SPATA22: variants seen among roughly 807,000 people sequenced by gnomAD.
SPATA22 encodes the protein spermatogenesis-associated protein 22.
In SPATA22, 29 loss-of-function variants were observed where a neutral mutation model predicts 47.8. The observed-to-expected ratio is 0.61, with a 90% CI of 0.45 to 0.83. The LOEUF is 0.83. Among genes scored for constraint, SPATA22 ranks in the 40% least tolerant of loss-of-function variants. The pLI is 0.00. For synonymous variants in SPATA22, 133 were observed against 140.9 expected (o/e 0.94, Z 0.40); for missense variants, 410 against 421.7 (o/e 0.97, Z 0.24).
chr17:3,454,253 T>C (rs35233893), intron 5 of SPATA22, among the ~76,000 whole-genome samples: 34,853 of 150,070 alleles, frequency 0.23, 4,326 homozygotes, highest in East Asian at 0.42. Context: ...TCCTGTGTCA[T>C]GGATTTGAAG....
chr17:3,507,807 G>A (rs76923226), intron 1 of SPATA22, among the ~76,000 whole-genome samples: 6,970 of 152,194 alleles, frequency 0.046, 253 homozygotes, highest in Non-Finnish European at 0.062. Flanking sequence ...AATCCTTTGG[G>A]GAGGTAATTT....
chr17:3,509,648 T>C (rs1382863813), intron 1 of SPATA22, among the ~76,000 whole-genome samples: 3 of 152,208 alleles, frequency 2.0e-5, no homozygotes, highest in African/African-American at 2.4e-5. Context: ...GTCTTTATAG[T>C]AGAATGATTT....
chr17:3,455,569 T>G (rs920769200), intron 5 of SPATA22, among the ~76,000 whole-genome samples: 4 of 141,250 alleles, frequency 2.8e-5, no homozygotes, highest in South Asian at 2.4e-4. Flanking sequence ...TCCCCATTGC[T>G]TGGTTTTCTC....
At chr17:3,473,441 G>T (rs1481523978), upstream of SPATA22, among the ~76,000 whole-genome samples, 1 of 152,114 alleles carries the variant, frequency 6.6e-6, no homozygotes, top group African/African-American at 2.4e-5. Context: ...CAAAATTTCT[G>T]GCAGGGATCT....
intron 5 of SPATA22, 130 bp downstream of exon 5, chr17:3,462,353 G>C (rs763888744): frequency 9.1e-5 from 58 of 636,022 alleles, no homozygotes; most frequent in Non-Finnish European, 1.3e-4. Flanking sequence ...TGCCATAGTT[G>C]TTATTTATAG....
Position 3,469,366 on chromosome 17 carries a change from C to A in SPATA22, c.-41G>T. ...AATCTATAATTTTCTATTCAGCATT[C>A]CAAATTTATAATATGACATTGTCCC... On this transcript the variant is annotated 5_prime_UTR_variant, in exon 2 of 9. Transcript: ENST00000572969. 1 of 1,486,220 alleles carries A rather than the reference C, an allele frequency of 6.7e-7. No individual in the cohort carries two copies. The highest frequency in any genetic ancestry group is 9.1e-7 in the Non-Finnish European group (1 of 1,097,684). 92.1% of individuals were successfully genotyped at this position (1,486,220 alleles called of 1,614,324 possible). A position where few individuals can be genotyped will look rare whatever the true frequency, so the allele number is the denominator to read the frequency against.
At chr17:3,455,316 G>A (rs1339073386) in intron 5 of SPATA22, among the ~76,000 whole-genome samples, 26 of 151,782 alleles carry the variant, frequency 1.7e-4, no homozygotes, top group East Asian at 1.5e-3. Context: ...CCCATTTGTC[G>A]ATTTTGTCTT....
At chr17:3,456,911 T>C (rs1433261006) in intron 5 of SPATA22, among the ~76,000 whole-genome samples, 2 of 150,886 alleles carry the variant, frequency 1.3e-5, no homozygotes, top group South Asian at 2.1e-4. Context: ...AATCAATAAA[T>C]GTAATCCAGC....
intron 6 of SPATA22, among the ~76,000 whole-genome samples, chr17:3,448,073 T>C (rs2072768434): frequency 6.6e-6 from 1 of 152,148 alleles, no homozygotes; most frequent in African/African-American, 2.4e-5. Context: ...GAAGTACAGT[T>C]GAGATACAGG....
chr17:3,444,467 G>A lies in SPATA22; in HGVS notation c.803-1196C>T, dbSNP rs147155568. On this transcript the variant is annotated intron_variant, in intron 7 of 8. Transcript: ENST00000572969. Reference sequence around the variant, plus strand: ...CAGAAGAAAAATCTAAGAATATGACGGTGTGGTATAAGAATGTATAGTCTA... The same window carrying A: ...CAGAAGAAAAATCTAAGAATATGACAGTGTGGTATAAGAATGTATAGTCTA... Among the ~76,000 whole-genome samples, 34 of 152,066 alleles carry A rather than the reference G, an allele frequency of 2.2e-4. No homozygotes were observed. The East Asian group carries it at 4.8e-3, about 22-fold the overall frequency.
At chr17:3,511,116 T>C (rs1597459665) in intron 1 of SPATA22, 1 of 152,366 alleles carries the variant, frequency 6.6e-6, no homozygotes, top group African/African-American at 2.4e-5. Context: ...CACGGAGTTT[T>C]AGGATGTCCT....
At chr17:3,456,773 G>A (rs1318072868) in intron 5 of SPATA22, among the ~76,000 whole-genome samples, 3 of 151,698 alleles carry the variant, frequency 2.0e-5, no homozygotes, top group Non-Finnish European at 4.4e-5. Context: ...CAATATCCTT[G>A]ATGAACATTG....
At chr17:3,478,142 GC>G (rs1227710362) in intron 1 of SPATA22, among the ~76,000 whole-genome samples, 2 of 152,022 alleles carry the variant, frequency 1.3e-5, no homozygotes, top group Non-Finnish European at 2.9e-5. Context: ...CAGAGATGGT[GC>G]CACTGCACTC....
intron 1 of SPATA22, chr17:3,499,883 C>G (rs536690124): frequency 6.6e-6 from 1 of 152,306 alleles, no homozygotes; most frequent in South Asian, 2.1e-4. Flanking sequence ...ATGTCAAAAG[C>G]TGAGACAGGC....
chr17:3,464,858 G>A (rs1395796269), intron 3 of SPATA22, among the ~76,000 whole-genome samples: 1 of 121,906 alleles, frequency 8.2e-6, no homozygotes, highest in East Asian at 2.3e-4. Context: ...GAGCGTCTCC[G>A]CCCGGCAGCC....
At chr17:3,482,294 C>G (rs2150747361) in intron 1 of SPATA22, among the ~76,000 whole-genome samples, 2 of 152,258 alleles carry the variant, frequency 1.3e-5, no homozygotes, top group African/African-American at 2.4e-5. Flanking sequence ...TCCCTTTAGT[C>G]CTGCCCTCGT....
At chr17:3,463,940 C>CCTCTGCCTCTCA in intron 3 of SPATA22, among the ~76,000 whole-genome samples, 2 of 80,904 alleles carry the variant, frequency 2.5e-5, no homozygotes, top group Non-Finnish European at 5.1e-5. Context: ...TCTCCCTCTC[C>CCTCTGCCTCTCA]CTCTCCCTCT....
intron 1 of SPATA22, among the ~76,000 whole-genome samples, chr17:3,504,186 G>A (rs2074019979): frequency 6.6e-6 from 1 of 152,048 alleles, no homozygotes; most frequent in African/African-American, 2.4e-5. Flanking sequence ...TCATTTCATA[G>A]CCAACATGGT....
At chr17:3,493,326 G>A (rs1331177329) in intron 1 of SPATA22, among the ~76,000 whole-genome samples, 1 of 152,124 alleles carries the variant, frequency 6.6e-6, no homozygotes, top group Non-Finnish European at 1.5e-5. Flanking sequence ...ACTTGGGGAG[G>A]CTGAGGCGGG....
Sources: allele counts gnomAD v4.1 joint callset (sites outside exome capture counted in the v4.1 genomes callset), GRCh38; gene constraint gnomAD v4.1.1; transcripts MANE v1.5; gene names NCBI Gene and HGNC (gene_info 2026-07-23, HGNC 2026-07-21).